Variants in CSMD3 observed in about 807,000 individuals in gnomAD.
CSMD3 encodes the protein CUB and Sushi multiple domains 3, also known as CUB and sushi domain-containing protein 3.
CSMD3 carries 177 observed loss-of-function variants against 435.2 expected under a neutral mutation model. The ratio of observed to expected loss-of-function variants is 0.41; its 90% CI spans 0.36 to 0.46. CSMD3 has a LOEUF of 0.46. CSMD3 is among the 20% of genes least tolerant of loss of function. The pLI is 0.34. For missense variants in CSMD3, 4,265 were observed against 4,504.6 expected (o/e 0.95, Z 1.52); for synonymous variants, 1,656 against 1,520.5 (o/e 1.09, Z -2.07).
At chr8:112,613,996 A>G (rs1248510224) in intron 22 of CSMD3, among the ~76,000 whole-genome samples, 1 of 152,182 alleles carries the variant, frequency 6.6e-6, no homozygotes, top group Non-Finnish European at 1.5e-5. Flanking sequence ...TAGATTAAAC[A>G]ATAAGTCAGA....
intron 44 of CSMD3, among the ~76,000 whole-genome samples, chr8:112,336,009 C>T (rs1375169115): frequency 1.3e-5 from 2 of 152,062 alleles, no homozygotes; most frequent in Non-Finnish European, 2.9e-5. Flanking sequence ...ACCTCCCAGG[C>T]TCAAGGGATC....
intron 27 of CSMD3, 106 bp downstream of exon 27, chr8:112,550,565 T>TA: frequency 1.5e-6 from 1 of 654,430 alleles, no homozygotes; most frequent in Non-Finnish European, 2.7e-6. Context: ...CACGAATATT[T>TA]AAAATCATTA....
rs1485711912 is a variant in CSMD3, at chr8:112,971,661, T to C, written c.1342+4176A>G. 2.6e-5 allele frequency among the ~76,000 whole-genome samples: 4 copies of C among 152,268 alleles called. No homozygotes were observed. In the South Asian group the frequency reaches 6.2e-4, roughly 24 times the overall value. On this transcript the variant is annotated intron_variant, in intron 7 of 70. Transcript: ENST00000297405. ...AGGTGGACTAAAATGCAGTCAAAAATATTAAGTTCTCATTTTGAGGACTAT... is the reference window on the plus strand; with the variant it reads ...AGGTGGACTAAAATGCAGTCAAAAACATTAAGTTCTCATTTTGAGGACTAT...
In CSMD3 at chr8:112,520,516, T is replaced by C. The variant is rs554055911; in HGVS notation, c.4565-3291A>G. 3.3e-5 allele frequency among the ~76,000 whole-genome samples: 5 copies of C among 152,042 alleles called. No individual in the cohort carries two copies. In the East Asian group the frequency reaches 9.7e-4, roughly 29 times the overall value. On this transcript the variant is annotated intron_variant, in intron 27 of 70. Transcript: ENST00000297405. ...TAGTGGAACTCTGACAGCTGTCTAT[T>C]GATGAAAGAATTGACCAAAAAAAAT...
At chr8:113,188,947 C>G (rs2092547189) in intron 3 of CSMD3, among the ~76,000 whole-genome samples, 1 of 151,748 alleles carries the variant, frequency 6.6e-6, no homozygotes, top group Admixed American at 6.6e-5. Flanking sequence ...ATTTAATGGT[C>G]ACTGGTTCAT....
chr8:113,126,854 G>T (rs1010694638), intron 4 of CSMD3, among the ~76,000 whole-genome samples: 5 of 151,562 alleles, frequency 3.3e-5, no homozygotes, highest in Non-Finnish European at 7.4e-5. Context: ...ATTAACACAG[G>T]AAGCTCTCTC....
At chr8:112,614,930 G>C (rs1421895416) in intron 22 of CSMD3, among the ~76,000 whole-genome samples, 1 of 151,786 alleles carries the variant, frequency 6.6e-6, no homozygotes, top group African/African-American at 2.4e-5. Flanking sequence ...TTATGGTCTA[G>C]CATAAAAATT....
At chr8:113,328,904 C>T (rs1588527872) in intron 1 of CSMD3, among the ~76,000 whole-genome samples, 2 of 151,308 alleles carry the variant, frequency 1.3e-5, no homozygotes, top group South Asian at 2.1e-4. Flanking sequence ...CCATGCACAG[C>T]TAATTTTTGT....
rs71566035 is a variant in CSMD3 at position 112,609,201 on chromosome 8, C to CAAAAAAAAAAA, written c.3716-21977_3716-21967dup. On this transcript the variant is annotated intron_variant, in intron 22 of 70. Transcript: ENST00000297405. ...TGGGTGACAGAGAAAGATACTGCCT[C>CAAAAAAAAAAA]AAAAAAAAAAAAAAAAAAAAAAAAA... 6.6e-3 allele frequency among the ~76,000 whole-genome samples: 286 copies of CAAAAAAAAAAA among 43,020 alleles called. 2 individuals are homozygous for CAAAAAAAAAAA. The highest frequency in any genetic ancestry group is 0.01 in the African/African-American group (105 of 10,472). The allele number at this position is 43,020 out of a possible 152,430, so 28.2% of individuals were successfully genotyped here.
chr8:113,237,253 G>A (rs973809397), intron 3 of CSMD3, among the ~76,000 whole-genome samples: 3 of 152,154 alleles, frequency 2.0e-5, no homozygotes, highest in African/African-American at 7.2e-5. Flanking sequence ...CAAGGACCCT[G>A]ATATCGGGGT....
intron 18 of CSMD3, among the ~76,000 whole-genome samples, chr8:112,652,315 C>T (rs560755017): frequency 1.3e-5 from 2 of 152,112 alleles, no homozygotes; most frequent in Non-Finnish European, 2.9e-5. Flanking sequence ...AAAGTTTAGA[C>T]CCCCTTCCTT....
intron 1 of CSMD3, among the ~76,000 whole-genome samples, chr8:113,360,408 G>A (rs2094264671): frequency 6.6e-6 from 1 of 151,874 alleles, no homozygotes. Context: ...CTTGCACAGG[G>A]TTTACATACA....
intron 2 of CSMD3, chr8:113,312,291 T>G (rs918773189): frequency 3.3e-5 from 5 of 152,134 alleles, no homozygotes; most frequent in Non-Finnish European, 5.9e-5. Context: ...ATTGTTTGGA[T>G]ACAGGAGAAG....
At chr8:112,857,769 C>G (rs184040941) in intron 11 of CSMD3, among the ~76,000 whole-genome samples, 3 of 151,368 alleles carry the variant, frequency 2.0e-5, no homozygotes, top group Non-Finnish European at 3.0e-5. Flanking sequence ...TAGAAAAAAA[C>G]TACTGAGAAT....
rs183376559 is a variant in CSMD3 at position 112,878,319 on chromosome 8, C to T, written c.1634-19053G>A. On this transcript the variant is annotated intron_variant, in intron 10 of 70. Transcript: ENST00000297405. ...CAGCCAACAAACATATTGAAAAAAG[C>T]TCATCATCACTTGTCATTAGGAAAA... Among the ~76,000 whole-genome samples, 354 of 152,224 alleles carry T rather than the reference C, an allele frequency of 2.3e-3. 1 individual carries two copies. Among genetic ancestry groups the T allele is most frequent in the African/African-American group, 8.1e-3 (336 of 41,550 alleles).
chr8:113,328,437 C>CAAA (rs1192557099), intron 1 of CSMD3, among the ~76,000 whole-genome samples: 1 of 63,024 alleles, frequency 1.6e-5, no homozygotes, highest in Non-Finnish European at 3.4e-5. Context: ...GACTCCGTCT[C>CAAA]AAAAAAAAAA....
chr8:112,371,637 C>T (rs1347026612), intron 38 of CSMD3, among the ~76,000 whole-genome samples: 1 of 152,082 alleles, frequency 6.6e-6, no homozygotes, highest in Non-Finnish European at 1.5e-5. Context: ...CACGTGTAAT[C>T]CCAGGACTTT....
At chr8:112,794,082 A>T (rs2078761277) in intron 13 of CSMD3, among the ~76,000 whole-genome samples, 1 of 152,052 alleles carries the variant, frequency 6.6e-6, no homozygotes. Context: ...TGCTAAATTT[A>T]GGAGTTCCAA....
intron 9 of CSMD3, among the ~76,000 whole-genome samples, chr8:112,936,691 C>T (rs1291631847): frequency 6.6e-6 from 1 of 151,810 alleles, no homozygotes; most frequent in East Asian, 1.9e-4. Context: ...CTTGGTATAC[C>T]CAAAATATTC....
Sources: allele counts gnomAD v4.1 joint callset (sites outside exome capture counted in the v4.1 genomes callset), GRCh38; gene constraint gnomAD v4.1.1; transcripts MANE v1.5; gene names NCBI Gene and HGNC (gene_info 2026-07-23, HGNC 2026-07-21).